Variants in TBL1XR1 observed in about 807,000 individuals in gnomAD.
The protein encoded by TBL1XR1 is F-box-like/WD repeat-containing protein TBL1XR1.
TBL1XR1 carries 5 observed loss-of-function variants against 66.9 expected under a neutral mutation model. The observed-to-expected ratio is 0.07, with a 90% CI of 0.04 to 0.16. The LOEUF (loss-of-function observed/expected upper bound fraction) is 0.16, where lower values mean the gene tolerates loss of function less well. Among genes scored for constraint, TBL1XR1 ranks in the 10% least tolerant of loss-of-function variants. The probability of loss-of-function intolerance (pLI) is 1.00; values close to 1 mark genes in which losing one functional copy is unlikely to be tolerated. For missense variants in TBL1XR1, 238 were observed against 623.2 expected (o/e 0.38, Z 6.58); for synonymous variants, 210 against 206.0 (o/e 1.02, Z -0.17).
intron 1 of TBL1XR1, among the ~76,000 whole-genome samples, chr3:177,129,561 T>C (rs1728040045): frequency 6.6e-6 from 1 of 152,164 alleles, no homozygotes. Flanking sequence ...TAAGTCAGGA[T>C]AATGGTTACC....
At chr3:177,164,474 C>T (rs549490509) in intron 1 of TBL1XR1, among the ~76,000 whole-genome samples, 2 of 152,008 alleles carry the variant, frequency 1.3e-5, no homozygotes, top group African/African-American at 4.8e-5. Flanking sequence ...CTTAGCCTCC[C>T]GAGTAGCTGG....
At chr3:177,089,906 C>T (rs995042924) in intron 2 of TBL1XR1, among the ~76,000 whole-genome samples, 4 of 152,192 alleles carry the variant, frequency 2.6e-5, no homozygotes, top group African/African-American at 9.7e-5. Context: ...TAGTGAAATA[C>T]TATTTCTCAC....
intron 7 of TBL1XR1, 69 bp downstream of exon 7, chr3:177,049,928 C>G: frequency 6.5e-7 from 1 of 1,535,128 alleles, no homozygotes; most frequent in Non-Finnish European, 8.8e-7. Context: ...CAAACCCTGC[C>G]GTGAGTATGA....
intron 1 of TBL1XR1, among the ~76,000 whole-genome samples, chr3:177,132,695 A>AATCC (rs1192647299): frequency 2.0e-5 from 3 of 152,238 alleles, no homozygotes; most frequent in East Asian, 3.8e-4. Context: ...AAATGACAAG[A>AATCC]ATCCAACAAA....
At chr3:177,061,014 G>A (rs891152500) in intron 3 of TBL1XR1, among the ~76,000 whole-genome samples, 1 of 152,192 alleles carries the variant, frequency 6.6e-6, no homozygotes, top group Non-Finnish European at 1.5e-5. Context: ...TTCATAAAAA[G>A]GCAGAATGGT....
Position 177,159,889 on chromosome 3 carries a change from T to C in TBL1XR1, c.-122+37232A>G, listed in dbSNP as rs577596252. ...TTTTTGCAGTAAAATTTAGGATGTC[T>C]ATTTGTTTAAAAATTTTTTAAGCTA... On this transcript the variant is annotated intron_variant, in intron 1 of 15. Transcript: ENST00000457928. 9.2e-5 allele frequency among the ~76,000 whole-genome samples: 14 copies of C among 152,322 alleles called. No homozygotes were observed. The South Asian group carries it at 2.5e-3, about 27-fold the overall frequency.
rs556726946 is a variant in TBL1XR1, at chr3:177,038,452, T to C, written c.926-18A>G. 17 of 1,496,306 alleles carry C rather than the reference T, an allele frequency of 1.1e-5. No individual in the cohort carries two copies. The Admixed American group carries it at 1.2e-4, about 10-fold the overall frequency. 92.7% of individuals were successfully genotyped at this position (1,496,306 alleles called of 1,614,324 possible). On this transcript the variant is annotated intron_variant, in intron 10 of 15. Coordinates refer to ENST00000457928, the MANE Select transcript of TBL1XR1 (RefSeq NM_024665.7). ...TGCTGGTGCTGCAAAGGAACAAAGG[T>C]TAGATTTGCTTTTATTCCACATGTA... is the stretch of plus-strand genomic sequence containing the variant.
At chr3:177,160,461 G>A (rs1410774080) in intron 1 of TBL1XR1, among the ~76,000 whole-genome samples, 2 of 143,236 alleles carry the variant, frequency 1.4e-5, no homozygotes, top group Admixed American at 7.1e-5. Context: ...GCGACAGAGC[G>A]AGACTCTGTC....
intron 1 of TBL1XR1, among the ~76,000 whole-genome samples, chr3:177,176,720 C>T (rs115050850): frequency 0.014 from 2,075 of 152,024 alleles, 53 homozygotes; most frequent in African/African-American, 0.048. Flanking sequence ...GAGGCTGAGG[C>T]AGCAAAGTCA....
intron 2 of TBL1XR1, among the ~76,000 whole-genome samples, chr3:177,071,031 G>GGTTTTTTTTTTT (rs1719913852): frequency 9.5e-6 from 1 of 104,716 alleles, no homozygotes; most frequent in East Asian, 3.3e-4. Flanking sequence ...CTGAGAATCT[G>GGTTTTTTTTTTT]TTTTTTTTTT....
chr3:177,042,644 A>G (rs1289104569), intron 10 of TBL1XR1, among the ~76,000 whole-genome samples: 3 of 152,168 alleles, frequency 2.0e-5, no homozygotes, highest in Non-Finnish European at 2.9e-5. Flanking sequence ...TTAGAAAGAA[A>G]TATCTAACAT....
At position 177,022,195 on chromosome 3, in the gene TBL1XR1, C is replaced by CA. The variant is rs1712468185; in HGVS notation, c.*3302dup. ...CCTTTCTCTTGACATTTTCGTATGT[C>CA]AAAAAGCAAAAAACCTTCATGTATT... is the stretch of plus-strand genomic sequence containing the variant. On this transcript the variant is annotated 3_prime_UTR_variant, in exon 16 of 16. Transcript: ENST00000457928. The CA allele has an allele frequency of 6.6e-6, 1 of 152,340 alleles. No individual in the cohort carries two copies. The highest frequency in any genetic ancestry group is 2.1e-4 in the South Asian group (1 of 4,830). 9.4% of individuals were successfully genotyped at this position (152,340 alleles called of 1,614,324 possible).
intron 1 of TBL1XR1, among the ~76,000 whole-genome samples, chr3:177,104,974 G>C (rs1724691797): frequency 6.6e-6 from 1 of 152,178 alleles, no homozygotes; most frequent in Admixed American, 6.5e-5. Flanking sequence ...TTAAAGGTTG[G>C]TTTGAACAGT....
At chr3:177,063,279 T>G (rs1346832445) in intron 3 of TBL1XR1, among the ~76,000 whole-genome samples, 1 of 152,198 alleles carries the variant, frequency 6.6e-6, no homozygotes, top group Non-Finnish European at 1.5e-5. Context: ...AAAATATTAC[T>G]GCTCTCATTA....
chr3:177,064,602 C>T (rs534315839), intron 3 of TBL1XR1, among the ~76,000 whole-genome samples: 3 of 152,170 alleles, frequency 2.0e-5, no homozygotes, highest in Non-Finnish European at 2.9e-5. Context: ...TCTGGATATA[C>T]ATTATCAAAC....
chr3:177,029,775 G>A (rs1464630151), intron 14 of TBL1XR1, among the ~76,000 whole-genome samples: 1 of 152,110 alleles, frequency 6.6e-6, no homozygotes, highest in Admixed American at 6.6e-5. Context: ...ACACTAATCA[G>A]TACAGAATAT....
intron 2 of TBL1XR1, among the ~76,000 whole-genome samples, chr3:177,092,591 CA>C (rs1722973071): frequency 1.3e-5 from 2 of 152,204 alleles, no homozygotes; most frequent in South Asian, 4.2e-4. Context: ...GTCAGCACCT[CA>C]CATCCATTAA....
intron 1 of TBL1XR1, among the ~76,000 whole-genome samples, chr3:177,119,477 G>A (rs1726723010): frequency 6.6e-6 from 1 of 152,142 alleles, no homozygotes; most frequent in South Asian, 2.1e-4. Flanking sequence ...AGACATGAAT[G>A]GTTAGGGGAA....
chr3:177,114,216 CATATATATACATACACATCAT>C (rs1726003530), intron 1 of TBL1XR1, among the ~76,000 whole-genome samples: 1 of 151,476 alleles, frequency 6.6e-6, no homozygotes, highest in African/African-American at 2.4e-5. Context: ...ATACATACAT[CATATATATACATACACATCAT>C]ATATATATAC....
Sources: gnomAD v4.1 joint callset for allele counts (sites outside exome capture counted in the v4.1 genomes callset) on GRCh38, gnomAD v4.1.1 for gene constraint, MANE v1.5 for transcripts, NCBI Gene and HGNC (gene_info 2026-07-23, HGNC 2026-07-21) for gene names.